Variants in LRRC4C observed in about 807,000 individuals in gnomAD.
LRRC4C encodes leucine-rich repeat-containing protein 4C.
A neutral mutation model predicts 33.6 loss-of-function variants in LRRC4C; 5 were observed. The ratio of observed to expected loss-of-function variants is 0.15; its 90% confidence interval spans 0.08 to 0.31. LRRC4C has a LOEUF of 0.31. LRRC4C is among the 10% of genes least tolerant of loss of function. The pLI is 1.00. For synonymous variants in LRRC4C, 329 were observed against 302.0 expected (o/e 1.09, Z -0.93); for missense variants, 560 against 796.7 (o/e 0.70, Z 3.58).
chr11:41,282,200 A>G (rs901685017), intron 1 of LRRC4C, among the ~76,000 whole-genome samples: 4 of 152,246 alleles, frequency 2.6e-5, no homozygotes, highest in African/African-American at 9.6e-5. Flanking sequence ...TGTAAATTGT[A>G]CTATCTAGCC....
At chr11:41,143,007 A>G (rs1009935920) in intron 1 of LRRC4C, among the ~76,000 whole-genome samples, 1 of 152,182 alleles carries the variant, frequency 6.6e-6, no homozygotes, top group African/African-American at 2.4e-5. Flanking sequence ...TTTGTGTTAT[A>G]GAAAATTCTA....
chr11:41,210,382 GT>G (rs1203901930), intron 1 of LRRC4C, among the ~76,000 whole-genome samples: 6 of 152,204 alleles, frequency 3.9e-5, no homozygotes, highest in Admixed American at 6.5e-5. Flanking sequence ...TTTTACAAGG[GT>G]TTTCTCCTTT....
At chr11:40,669,256 A>C (rs1168620766) in intron 2 of LRRC4C, among the ~76,000 whole-genome samples, 1 of 152,222 alleles carries the variant, frequency 6.6e-6, no homozygotes, top group Non-Finnish European at 1.5e-5. Flanking sequence ...GGAGTTCATA[A>C]GGCAGCCTGT....
chr11:40,569,817 T>A (rs564688707), intron 3 of LRRC4C, among the ~76,000 whole-genome samples: 1 of 152,186 alleles, frequency 6.6e-6, no homozygotes, highest in Admixed American at 6.5e-5. Context: ...AATAAAATAT[T>A]CATAATAATT....
chr11:40,630,364 TC>T (rs1450602751), intron 3 of LRRC4C, among the ~76,000 whole-genome samples: 3 of 69,238 alleles, frequency 4.3e-5, no homozygotes, highest in Non-Finnish European at 6.8e-5. Flanking sequence ...TTCTTCTTCT[TC>T]TTCTTCTTCT....
chr11:40,507,508 T>A (rs1370764731), intron 3 of LRRC4C, among the ~76,000 whole-genome samples: 1 of 152,092 alleles, frequency 6.6e-6, no homozygotes, highest in East Asian at 1.9e-4. Context: ...ATAGATACTA[T>A]AATAACCTAT....
At chr11:40,287,256 ATGTG>A (rs5791367) in intron 4 of LRRC4C, among the ~76,000 whole-genome samples, 5,171 of 144,352 alleles carry the variant, frequency 0.036, 260 homozygotes, top group African/African-American at 0.11. Flanking sequence ...ATGTCACTGT[ATGTG>A]TGTGTGTGTG....
chr11:40,348,040 G>A (rs1347105823), intron 3 of LRRC4C, among the ~76,000 whole-genome samples: 1 of 152,168 alleles, frequency 6.6e-6, no homozygotes, highest in Non-Finnish European at 1.5e-5. Context: ...CAGAACACAC[G>A]CAACGTTTCT....
At chr11:40,146,201 T>C (rs1206695126) in intron 5 of LRRC4C, among the ~76,000 whole-genome samples, 1 of 152,184 alleles carries the variant, frequency 6.6e-6, no homozygotes, top group African/African-American at 2.4e-5. Context: ...CAGTCATCAG[T>C]GACTTATCCC....
Position 41,327,643 on chromosome 11 carries a change from A to C in LRRC4C, c.-496+131788T>G, listed in dbSNP as rs61612066. Among the ~76,000 whole-genome samples, 645 of 152,288 alleles carry C rather than the reference A, an allele frequency of 4.2e-3. 3 individuals are homozygous for C. The highest frequency in any genetic ancestry group is 0.014 in the African/African-American group (568 of 41,560). ...ATATGGTTTGGCTGTGTCCCCACCC[A>C]AATCTCATCTTGAATTGGAGCTCTC... On this transcript the variant is annotated intron_variant, in intron 1 of 6. Coordinates refer to ENST00000528697, the MANE Select transcript of LRRC4C (RefSeq NM_001258419.2).
At chr11:41,283,390 T>C (rs1419496229) in intron 1 of LRRC4C, among the ~76,000 whole-genome samples, 2 of 152,184 alleles carry the variant, frequency 1.3e-5, no homozygotes, top group African/African-American at 2.4e-5. Flanking sequence ...TGTTACTAGG[T>C]GGTGAATAAT....
intron 1 of LRRC4C, among the ~76,000 whole-genome samples, chr11:41,104,661 A>C (rs772516393): frequency 6.6e-6 from 1 of 151,942 alleles, no homozygotes; most frequent in African/African-American, 2.4e-5. Context: ...ACTTGTATAT[A>C]AATGTTCGTG....
intron 3 of LRRC4C, among the ~76,000 whole-genome samples, chr11:40,551,062 G>A (rs1957110576): frequency 6.6e-6 from 1 of 152,034 alleles, no homozygotes; most frequent in African/African-American, 2.4e-5. Context: ...TTCCCAGTCA[G>A]GTTTTCTTCC....
intron 3 of LRRC4C, among the ~76,000 whole-genome samples, chr11:40,471,154 A>T (rs532112910): frequency 6.6e-6 from 1 of 152,220 alleles, no homozygotes; most frequent in Non-Finnish European, 1.5e-5. Flanking sequence ...GGTTACCTAT[A>T]AAGGGAAGCC....
chr11:40,335,244 A>G (rs1018274850), intron 3 of LRRC4C, among the ~76,000 whole-genome samples: 1 of 152,186 alleles, frequency 6.6e-6, no homozygotes, highest in Admixed American at 6.5e-5. Context: ...TAATTTATAC[A>G]TATTTTTATT....
chr11:40,668,731 T>C (rs1943939397), intron 2 of LRRC4C, among the ~76,000 whole-genome samples: 1 of 152,184 alleles, frequency 6.6e-6, no homozygotes, highest in African/African-American at 2.4e-5. Context: ...TCAATCTTAC[T>C]TGTATTTAAA....
At chr11:40,895,611 G>C (rs1955904829) in intron 2 of LRRC4C, among the ~76,000 whole-genome samples, 1 of 152,042 alleles carries the variant, frequency 6.6e-6, no homozygotes. Flanking sequence ...GATACACAAA[G>C]CTTTGCATTA....
chr11:40,474,341 C>T (rs1953100611), intron 3 of LRRC4C, among the ~76,000 whole-genome samples: 1 of 152,122 alleles, frequency 6.6e-6, no homozygotes, highest in African/African-American at 2.4e-5. Flanking sequence ...AAAAGATTCC[C>T]TATTTAATAA....
intron 1 of LRRC4C, among the ~76,000 whole-genome samples, chr11:41,141,170 C>T (rs992517058): frequency 2.0e-5 from 3 of 152,088 alleles, no homozygotes; most frequent in Non-Finnish European, 4.4e-5. Flanking sequence ...TGAGATGGCA[C>T]AGTCAGAAAG....
Sources: allele counts gnomAD v4.1 joint callset (sites outside exome capture counted in the v4.1 genomes callset), GRCh38; gene constraint gnomAD v4.1.1; transcripts MANE v1.5; gene names NCBI Gene and HGNC (gene_info 2026-07-23, HGNC 2026-07-21).